STXBP3: variants seen among roughly 807,000 people sequenced by gnomAD.
STXBP3 encodes syntaxin binding protein 3, also known as syntaxin-binding protein 3.
Under a neutral mutation model 85.7 loss-of-function variants are expected in STXBP3, and 41 were observed. The ratio of observed to expected loss-of-function variants is 0.48; its 90% confidence interval spans 0.37 to 0.62. STXBP3 has a LOEUF of 0.62. Ranked by LOEUF, STXBP3 falls within the 20% of genes least tolerant of loss-of-function variation. The pLI is 0.00. For synonymous variants in STXBP3, 229 were observed against 231.7 expected (o/e 0.99, Z 0.10); for missense variants, 563 against 703.1 (o/e 0.80, Z 2.25).
At position 108,807,390 on chromosome 1, in the gene STXBP3, T is replaced by C; in HGVS notation, c.1536-11T>C. ...ACATGTTTACTTTTTTTTTTTTAAA[T>C]TACTTTTTAGTGCTCGCCAGAAACC... On this transcript the variant is annotated splice_polypyrimidine_tract_variant and intron_variant, in intron 17 of 18. Coordinates refer to ENST00000370008, the MANE Select transcript of STXBP3 (RefSeq NM_007269.4). The C allele has an allele frequency of 6.3e-7, 1 of 1,594,936 alleles. No homozygotes were observed. The highest frequency in any genetic ancestry group is 8.5e-7 in the Non-Finnish European group (1 of 1,175,000).
chr1:108,795,550 A>G (rs1663071991), intron 13 of STXBP3, among the ~76,000 whole-genome samples: 1 of 152,068 alleles, frequency 6.6e-6, no homozygotes, highest in Non-Finnish European at 1.5e-5. Context: ...TATTATTTCA[A>G]CATATAATCA....
At chr1:108,804,536 A>G (rs1463775593) in intron 17 of STXBP3, among the ~76,000 whole-genome samples, 1 of 152,192 alleles carries the variant, frequency 6.6e-6, no homozygotes, top group Non-Finnish European at 1.5e-5. Context: ...CTGCAGACTC[A>G]TAGTTACTTA....
Position 108,796,657 on chromosome 1 carries a change from T to C in STXBP3, c.1287T>C (p.Asn429=). 9 of 1,613,556 alleles carry C rather than the reference T, an allele frequency of 5.6e-6. No homozygotes were observed. Among genetic ancestry groups the C allele is most frequent in the Non-Finnish European group, 7.6e-6 (9 of 1,179,790 alleles). ...AAAATTTGGACAGGTTGATCCAGAATGTAAAGATAGAAAATGAGAGTGACA... is the reference window on the plus strand; with the variant it reads ...AAAATTTGGACAGGTTGATCCAGAACGTAAAGATAGAAAATGAGAGTGACA... ...TEENLDRLIQ[N]VKIENESDMI... is the part of the protein sequence containing the mutation. The change falls in exon 15 of 19, where the codon AAT becomes AAC. Residue 429 remains asparagine (N), a synonymous_variant. Coordinates refer to ENST00000370008, the MANE Select transcript of STXBP3 (RefSeq NM_007269.4).
Position 108,772,362 on chromosome 1 carries a change from C to A in STXBP3, c.439-303C>A, listed in dbSNP as rs189132138. Among the ~76,000 whole-genome samples, 98 of 34,550 alleles carry A rather than the reference C, an allele frequency of 2.8e-3. 33 individuals carry two copies. The highest frequency in any genetic ancestry group is 0.011 in the African/African-American group (72 of 6,624). 22.7% of individuals were successfully genotyped at this position (34,550 alleles called of 152,430 possible). On this transcript the variant is annotated intron_variant, in intron 6 of 18. Transcript: ENST00000370008. ...ATATAAATACATATGATATCTGTAT[C>A]ATATATAAATACATATGATATCTGT...
intron 11 of STXBP3, among the ~76,000 whole-genome samples, chr1:108,784,594 T>A (rs984628465): frequency 2.6e-5 from 4 of 152,130 alleles, no homozygotes; most frequent in Non-Finnish European, 5.9e-5. Flanking sequence ...CCCTGGTACC[T>A]CCCATATCTC....
chr1:108,752,772 A>C (rs1172573828), intron 2 of STXBP3, among the ~76,000 whole-genome samples: 1 of 152,252 alleles, frequency 6.6e-6, no homozygotes, highest in Non-Finnish European at 1.5e-5. Context: ...ATTGTTCTAC[A>C]AGTGGCAATT....
At chr1:108,752,391 G>A in intron 2 of STXBP3, 85 bp downstream of exon 2, 1 of 1,247,478 alleles carries the variant, frequency 8.0e-7, no homozygotes, top group East Asian at 2.4e-5. Context: ...TATTTACATG[G>A]TATTAGGTAT....
chr1:108,746,794 C>A lies in STXBP3; in HGVS notation c.49+8C>A. 5.2e-6 allele frequency: 8 copies of A among 1,544,718 alleles called. No homozygotes were observed. The East Asian group carries it at 7.4e-5, about 14-fold the overall frequency. ...AGAGCGTCGTGTGGCAGAGTGAGTGCGGTGGGGTAGGGGTTGAGAGAGGGA... is the reference window on the plus strand; with the variant it reads ...AGAGCGTCGTGTGGCAGAGTGAGTGAGGTGGGGTAGGGGTTGAGAGAGGGA... On this transcript the variant is annotated splice_region_variant and intron_variant, in intron 1 of 18. Transcript: ENST00000370008.
chr1:108,780,209 T>C (rs577106095), intron 9 of STXBP3: 47 of 152,322 alleles, frequency 3.1e-4, no homozygotes, highest in Non-Finnish European at 4.7e-4. Context: ...CTGTTTTTTT[T>C]CTTAAATATT....
intron 1 of STXBP3, among the ~76,000 whole-genome samples, chr1:108,750,471 C>T (rs888840537): frequency 2.0e-5 from 3 of 152,138 alleles, no homozygotes; most frequent in African/African-American, 7.2e-5. Context: ...TTCTCAATCA[C>T]AATACAACCT....
At chr1:108,785,173 C>G (rs113599084) in intron 11 of STXBP3, among the ~76,000 whole-genome samples, 9 of 152,344 alleles carry the variant, frequency 5.9e-5, no homozygotes, top group African/African-American at 2.2e-4. Context: ...TGTGGAGGTT[C>G]CAACCCCACA....
chr1:108,765,883 T>C (rs2101110913), intron 6 of STXBP3, among the ~76,000 whole-genome samples: 1 of 129,118 alleles, frequency 7.7e-6, no homozygotes, highest in African/African-American at 3.0e-5. Flanking sequence ...AGACAGATTC[T>C]CACTCTGTCA....
intron 7 of STXBP3, among the ~76,000 whole-genome samples, chr1:108,775,653 T>TG (rs1465242663): frequency 6.6e-6 from 1 of 152,148 alleles, no homozygotes; most frequent in Non-Finnish European, 1.5e-5. Flanking sequence ...AGTGAGAACA[T>TG]GCGAAATGTT....
intron 8 of STXBP3, among the ~76,000 whole-genome samples, chr1:108,776,860 A>G (rs1477758314): frequency 2.0e-5 from 3 of 152,216 alleles, no homozygotes; most frequent in Non-Finnish European, 4.4e-5. Flanking sequence ...AATTCCTATT[A>G]TCACTAGTTC....
chr1:108,807,576 G>GTTTTTTT, intron 18 of STXBP3, 27 bp downstream of exon 18: 2 of 1,342,446 alleles, frequency 1.5e-6, no homozygotes, highest in Admixed American at 2.6e-5. Context: ...CTTCTTTTCT[G>GTTTTTTT]TTTTTTTTTT....
intron 11 of STXBP3, among the ~76,000 whole-genome samples, chr1:108,785,186 T>C (rs1010557403): frequency 2.0e-5 from 3 of 152,212 alleles, no homozygotes; most frequent in African/African-American, 7.2e-5. Flanking sequence ...ACCCCACATT[T>C]CCCTTCTGCA....
intron 4 of STXBP3, among the ~76,000 whole-genome samples, chr1:108,757,969 G>C (rs1010098264): frequency 6.6e-6 from 1 of 152,088 alleles, no homozygotes; most frequent in African/African-American, 2.4e-5. Flanking sequence ...CATTTTGAAT[G>C]TTAAGTGACA....
intron 13 of STXBP3, 138 bp from the exon 14 acceptor site, chr1:108,796,096 A>ACCTCAGGTGATCTG (rs1191128186): frequency 1.2e-5 from 9 of 747,152 alleles, no homozygotes; most frequent in African/African-American, 1.8e-5. Flanking sequence ...CCAACTCCTG[A>ACCTCAGGTGATCTG]CCTCAGGTGA....
rs141726069 is a variant in STXBP3, at chr1:108,765,060, G to A, written c.438+4975G>A. Among the ~76,000 whole-genome samples the A allele has an allele frequency of 4.1e-4, 62 of 152,222 alleles. No homozygotes were observed. In the East Asian group the frequency reaches 6.6e-3, roughly 16 times the overall value. On this transcript the variant is annotated intron_variant, in intron 6 of 18. Transcript: ENST00000370008. ...CATCTCGAGTTGATTTTTGTATATGGTGTATGGAAGGGGTCCAGTTTCAGT... is the reference window on the plus strand; with the variant it reads ...CATCTCGAGTTGATTTTTGTATATGATGTATGGAAGGGGTCCAGTTTCAGT...
Sources: gnomAD v4.1 joint callset for allele counts (sites outside exome capture counted in the v4.1 genomes callset) on GRCh38, gnomAD v4.1.1 for gene constraint, MANE v1.5 for transcripts, NCBI Gene and HGNC (gene_info 2026-07-23, HGNC 2026-07-21) for gene names.